NRXN3: variants seen among roughly 807,000 people sequenced by gnomAD.
The protein encoded by NRXN3 is neurexin III.
A neutral mutation model predicts 137.6 loss-of-function variants in NRXN3; 32 were observed. That is an observed-to-expected ratio of 0.23 (90% CI 0.18 to 0.31). The LOEUF (loss-of-function observed/expected upper bound fraction) is 0.31. Among genes scored for constraint, NRXN3 ranks in the 10% least tolerant of loss-of-function variants. NRXN3 has a pLI of 1.00. For missense variants in NRXN3, 1,574 were observed against 2,062.5 expected (o/e 0.76, Z 4.59); for synonymous variants, 798 against 784.5 (o/e 1.02, Z -0.29).
intron 4 of NRXN3, among the ~76,000 whole-genome samples, chr14:78,425,483 C>T (rs1211631950): frequency 1.3e-5 from 2 of 152,096 alleles, no homozygotes; most frequent in African/African-American, 2.4e-5. Context: ...TCAGATTGGA[C>T]CAGGTGGTGC....
intron 16 of NRXN3, among the ~76,000 whole-genome samples, chr14:79,598,509 A>C (rs1005479889): frequency 6.6e-6 from 1 of 152,192 alleles, no homozygotes; most frequent in Non-Finnish European, 1.5e-5. Context: ...TCTGCTCATC[A>C]GGGATCCTGA....
chr14:79,029,625 A>C (rs540305578), intron 15 of NRXN3, among the ~76,000 whole-genome samples: 3 of 152,154 alleles, frequency 2.0e-5, no homozygotes, highest in African/African-American at 7.2e-5. Context: ...GGATTGTACT[A>C]TGCATTATAG....
chr14:79,699,842 A>G (rs1280085997), intron 19 of NRXN3, among the ~76,000 whole-genome samples: 1 of 152,012 alleles, frequency 6.6e-6, no homozygotes, highest in Non-Finnish European at 1.5e-5. Context: ...AGTCTACAAA[A>G]ATGAGTTATA....
chr14:78,702,573 T>C (rs566056734), intron 6 of NRXN3, among the ~76,000 whole-genome samples: 7 of 151,658 alleles, frequency 4.6e-5, no homozygotes, highest in Non-Finnish European at 8.8e-5. Flanking sequence ...GGATCCCGAG[T>C]AGCTGGGATT....
intron 1 of NRXN3, among the ~76,000 whole-genome samples, chr14:78,224,190 TTTTTTTTTAACTTTTAAAG>T (rs2064198888): frequency 6.6e-6 from 1 of 151,950 alleles, no homozygotes; most frequent in Admixed American, 6.5e-5. Context: ...CAAGACTTTT[TTTTTTTTTAACTTTTAAAG>T]TTATCTCCTT....
At position 78,635,683 on chromosome 14, in the gene NRXN3, C is replaced by T. The variant is rs140739810; in HGVS notation, c.758-9437C>T. Among the ~76,000 whole-genome samples, 12 of 152,200 alleles carry T rather than the reference C, an allele frequency of 7.9e-5. No individual in the cohort carries two copies. In the East Asian group the frequency reaches 2.3e-3, roughly 29 times the overall value. On this transcript the variant is annotated intron_variant, in intron 4 of 20. Coordinates refer to ENST00000335750, the MANE Select transcript of NRXN3 (RefSeq NM_001330195.2). ...GGCATTTGCTATTCCAGTATAATCG[C>T]CTTAGTTATTGAGTACTTTTGATGA...
At chr14:79,076,314 G>C (rs2045960428) in intron 15 of NRXN3, among the ~76,000 whole-genome samples, 1 of 152,110 alleles carries the variant, frequency 6.6e-6, no homozygotes, top group African/African-American at 2.4e-5. Flanking sequence ...AAATCAACAA[G>C]GCATTACCTC....
At chr14:78,693,059 G>A (rs2098188493) in intron 6 of NRXN3, among the ~76,000 whole-genome samples, 1 of 151,904 alleles carries the variant, frequency 6.6e-6, no homozygotes, top group Admixed American at 6.6e-5. Context: ...TTCCAGCCCA[G>A]GCAACAGAGC....
intron 8 of NRXN3, among the ~76,000 whole-genome samples, chr14:78,769,098 T>G (rs1273131907): frequency 6.6e-6 from 1 of 152,118 alleles, no homozygotes; most frequent in African/African-American, 2.4e-5. Context: ...TAGGGTCCAT[T>G]AAGAGTTACC....
intron 13 of NRXN3, among the ~76,000 whole-genome samples, chr14:78,967,886 G>A (rs558405022): frequency 5.9e-5 from 9 of 152,188 alleles, no homozygotes; most frequent in African/African-American, 2.2e-4. Flanking sequence ...CACATAAAAA[G>A]CACTCAATAA....
At chr14:79,324,748 A>G (rs2090595740) in intron 15 of NRXN3, among the ~76,000 whole-genome samples, 1 of 152,258 alleles carries the variant, frequency 6.6e-6, no homozygotes, top group South Asian at 2.1e-4. Flanking sequence ...AGTTATAAAT[A>G]GAATTGCCTA....
At chr14:78,807,430 CA>C (rs1242347783) in intron 9 of NRXN3, among the ~76,000 whole-genome samples, 2 of 152,222 alleles carry the variant, frequency 1.3e-5, no homozygotes, top group East Asian at 3.9e-4. Flanking sequence ...CAAAGCTCAA[CA>C]ACGAGAAAAA....
intron 10 of NRXN3, among the ~76,000 whole-genome samples, chr14:78,844,141 T>C (rs1377062077): frequency 6.6e-6 from 1 of 152,144 alleles, no homozygotes; most frequent in Non-Finnish European, 1.5e-5. Context: ...CAGCACTCTT[T>C]GGCTTGTTGC....
At chr14:78,360,367 T>C (rs138939444) in intron 4 of NRXN3, among the ~76,000 whole-genome samples, 20 of 152,352 alleles carry the variant, frequency 1.3e-4, no homozygotes, top group African/African-American at 4.8e-4. Flanking sequence ...GCTTTATATA[T>C]GTTTATTGAA....
intron 15 of NRXN3, among the ~76,000 whole-genome samples, chr14:79,168,043 G>A (rs1436802794): frequency 2.0e-5 from 3 of 150,108 alleles, no homozygotes; most frequent in Admixed American, 1.3e-4. Context: ...AATGACAATA[G>A]TGGCATAAGT....
At chr14:78,922,919 G>A (rs1322290985) in intron 10 of NRXN3, among the ~76,000 whole-genome samples, 1 of 152,198 alleles carries the variant, frequency 6.6e-6, no homozygotes, top group Non-Finnish European at 1.5e-5. Context: ...TGGAAGTTTT[G>A]CAGACATTGT....
chr14:79,563,740 G>A (rs548523715), intron 16 of NRXN3, among the ~76,000 whole-genome samples: 1 of 151,706 alleles, frequency 6.6e-6, no homozygotes, highest in Non-Finnish European at 1.5e-5. Flanking sequence ...GGTGCACTAT[G>A]GCAGTTGCAG....
intron 1 of NRXN3, among the ~76,000 whole-genome samples, chr14:78,232,881 G>A (rs1369559834): frequency 2.6e-5 from 4 of 152,242 alleles, no homozygotes; most frequent in Non-Finnish European, 4.4e-5. Flanking sequence ...GAAGGGAGGA[G>A]GCTGAAAAGT....
chr14:78,823,224 C>T (rs896613908), intron 10 of NRXN3, among the ~76,000 whole-genome samples: 5 of 152,142 alleles, frequency 3.3e-5, no homozygotes, highest in Non-Finnish European at 7.3e-5. Flanking sequence ...GCTTTGTTGA[C>T]CTTCTCTTGG....
Sources: allele counts gnomAD v4.1 joint callset (sites outside exome capture counted in the v4.1 genomes callset), GRCh38; gene constraint gnomAD v4.1.1; transcripts MANE v1.5; gene names NCBI Gene and HGNC (gene_info 2026-07-23, HGNC 2026-07-21).